Variants in TXLNB observed in about 807,000 individuals in gnomAD.
TXLNB encodes the protein beta-taxilin.
Under a neutral mutation model 57.4 loss-of-function variants are expected in TXLNB, and 37 were observed. That is an observed-to-expected ratio of 0.64 (90% CI 0.50 to 0.85). TXLNB has a LOEUF of 0.85. Ranked by LOEUF, TXLNB falls within the 40% of genes least tolerant of loss-of-function variation. TXLNB has a pLI of 0.00. For missense variants in TXLNB, 848 were observed against 825.6 expected (o/e 1.03, Z -0.33); for synonymous variants, 302 against 309.6 (o/e 0.98, Z 0.26).
chr6:139,274,903 C>T lies in TXLNB; in HGVS notation c.516+1927G>A, dbSNP rs144507603. ...AGAGCAAGGATGGATAGGTGAGAATCGCATGGAAACGTGAGAGTGGGGGCC... is the reference window on the plus strand; with the variant it reads ...AGAGCAAGGATGGATAGGTGAGAATTGCATGGAAACGTGAGAGTGGGGGCC... On this transcript the variant is annotated intron_variant, in intron 3 of 9. Coordinates refer to ENST00000358430, the MANE Select transcript of TXLNB (RefSeq NM_153235.4). 3.9e-5 allele frequency among the ~76,000 whole-genome samples: 6 copies of T among 152,138 alleles called. No homozygotes were observed. The East Asian group carries it at 7.7e-4, about 20-fold the overall frequency.
intron 1 of TXLNB, among the ~76,000 whole-genome samples, chr6:139,290,206 C>T (rs1474036425): frequency 6.6e-6 from 1 of 152,004 alleles, no homozygotes; most frequent in Non-Finnish European, 1.5e-5. Flanking sequence ...ATGGTGAAAC[C>T]CTGTCTCTAC....
At chr6:139,246,509 G>T (rs1443212513) in intron 8 of TXLNB, among the ~76,000 whole-genome samples, 4 of 152,078 alleles carry the variant, frequency 2.6e-5, no homozygotes, top group African/African-American at 9.7e-5. Context: ...TATAATACTG[G>T]CACCTTATAT....
chr6:139,273,546 G>A (rs529499664), intron 3 of TXLNB, among the ~76,000 whole-genome samples: 1 of 152,278 alleles, frequency 6.6e-6, no homozygotes, highest in East Asian at 1.9e-4. Flanking sequence ...GTTCACTGAA[G>A]CCTCAAACGC....
downstream of TXLNB, among the ~76,000 whole-genome samples, chr6:139,236,373 G>A (rs546816652): frequency 6.8e-4 from 103 of 152,234 alleles, no homozygotes; most frequent in African/African-American, 2.4e-3. Flanking sequence ...TCCCCTAAGG[G>A]TATGAGCAGT....
At chr6:139,160,092 A>T in the TXLNB span, among the ~76,000 whole-genome samples, 1 of 152,162 alleles carries the variant, frequency 6.6e-6, no homozygotes, top group Non-Finnish European at 1.5e-5. Context: ...GGCCCAGGTG[A>T]CTGCAGCCTA....
chr6:139,322,904 G>C, the TXLNB span, among the ~76,000 whole-genome samples: 1 of 152,146 alleles, frequency 6.6e-6, no homozygotes, highest in Non-Finnish European at 1.5e-5. Flanking sequence ...GGTTTTCCCT[G>C]CTGTTGAATC....
chr6:139,171,993 C>A, the TXLNB span, among the ~76,000 whole-genome samples: 1 of 152,034 alleles, frequency 6.6e-6, no homozygotes, highest in African/African-American at 2.4e-5. Flanking sequence ...CCACGCCTAG[C>A]TAATTTTTTT....
At chr6:139,266,979 A>AC (rs1285464816) in intron 4 of TXLNB, among the ~76,000 whole-genome samples, 1 of 151,582 alleles carries the variant, frequency 6.6e-6, no homozygotes, top group Non-Finnish European at 1.5e-5. Context: ...AAAAAAAAAA[A>AC]AACCCACGAA....
chr6:139,188,264 A>G, the TXLNB span, among the ~76,000 whole-genome samples: 1 of 152,198 alleles, frequency 6.6e-6, no homozygotes, highest in African/African-American at 2.4e-5. Context: ...ACCAGGCCTC[A>G]GTGAGGCAGT....
At chr6:139,276,790 A>C (rs750400429) in intron 3 of TXLNB, 40 bp downstream of exon 3, 1 of 1,517,190 alleles carries the variant, frequency 6.6e-7, no homozygotes, top group Admixed American at 1.8e-5. Context: ...CACTGGGCTC[A>C]CTAATCGTTC....
the TXLNB span, among the ~76,000 whole-genome samples, chr6:139,317,600 C>T: frequency 1.2e-4 from 18 of 152,164 alleles, no homozygotes; most frequent in East Asian, 3.3e-3. Context: ...AGGGTTTCAC[C>T]GTGTTAGCCA....
intron 3 of TXLNB, among the ~76,000 whole-genome samples, chr6:139,273,224 C>A (rs2114577234): frequency 6.6e-6 from 1 of 152,256 alleles, no homozygotes; most frequent in South Asian, 2.1e-4. Context: ...TGCTCAACAC[C>A]ATCCCTAGCC....
chr6:139,178,471 C>T, the TXLNB span: 4 of 147,358 alleles, frequency 2.7e-5, no homozygotes, highest in Admixed American at 1.3e-4. Flanking sequence ...TTGATGTGAA[C>T]ATTTTATGTT....
the TXLNB span, among the ~76,000 whole-genome samples, chr6:139,211,672 A>G: frequency 6.6e-6 from 1 of 152,168 alleles, no homozygotes; most frequent in African/African-American, 2.4e-5. Context: ...TCAGAAGATC[A>G]AACCACTCCA....
In TXLNB at chr6:139,270,627, C is replaced by T. The variant is rs1776737662; in HGVS notation, c.517-1G>A. On this transcript the variant is annotated splice_acceptor_variant, in intron 3 of 9. Coordinates refer to ENST00000358430, the MANE Select transcript of TXLNB (RefSeq NM_153235.4). LOFTEE classifies it high-confidence loss of function. Reference sequence around the variant, plus strand: ...TTTGCTCAGTACGATGTTCATCCAGCTGTACACATGGAGATACAAACATGA... The same window carrying T: ...TTTGCTCAGTACGATGTTCATCCAGTTGTACACATGGAGATACAAACATGA... 3.1e-6 allele frequency: 5 copies of T among 1,613,756 alleles called. No homozygotes were observed. Among genetic ancestry groups the T allele is most frequent in the Non-Finnish European group, 4.2e-6 (5 of 1,179,812 alleles).
At chr6:139,217,875 AAAAAAAAAAAAAG>A in the TXLNB span, among the ~76,000 whole-genome samples, 3 of 151,710 alleles carry the variant, frequency 2.0e-5, no homozygotes, top group African/African-American at 7.3e-5. Flanking sequence ...AAAAAAAAAA[AAAAAAAAAAAAAG>A]AAAAAGAAAT....
At position 139,260,416 on chromosome 6, in the gene TXLNB, G is replaced by A. The variant is rs775559438; in HGVS notation, c.904C>T (p.His302Tyr). The change falls in exon 6 of 10, where the codon CAC (histidine) becomes TAC (tyrosine). Residue 302 changes from histidine (H) to tyrosine (Y), a missense_variant. Coordinates refer to ENST00000358430, the MANE Select transcript of TXLNB (RefSeq NM_153235.4). ...ACCAGCTTCTGCTGCAGTTCTCTGTGTTTAAATATTTTGTCCAGATGCTAA... is the reference window on the plus strand; with the variant it reads ...ACCAGCTTCTGCTGCAGTTCTCTGTATTTAAATATTTTGTCCAGATGCTAA... Reference protein sequence around the residue: ...REEHLDKIFKHRELQQKLVDA... With the variant: ...REEHLDKIFKYRELQQKLVDA... 1.2e-6 allele frequency: 2 copies of A among 1,613,970 alleles called. No individual in the cohort carries two copies. Among genetic ancestry groups the A allele is most frequent in the East Asian group, 2.2e-5 (1 of 44,878 alleles).
At chr6:139,193,260 T>TTTTTTTTTTA in the TXLNB span, among the ~76,000 whole-genome samples, 3 of 148,490 alleles carry the variant, frequency 2.0e-5, no homozygotes, top group Non-Finnish European at 3.0e-5. Flanking sequence ...TTTTTTTTTT[T>TTTTTTTTTTA]ATCATTGTCT....
intron 1 of TXLNB, among the ~76,000 whole-genome samples, chr6:139,290,157 C>A (rs759086696): frequency 3.3e-5 from 5 of 152,100 alleles, no homozygotes; most frequent in Admixed American, 6.5e-5. Context: ...GAAGCCGAGG[C>A]GGGTGGATCC....
Sources: allele counts gnomAD v4.1 joint callset (sites outside exome capture counted in the v4.1 genomes callset), GRCh38; gene constraint gnomAD v4.1.1; transcripts MANE v1.5; gene names NCBI Gene and HGNC (gene_info 2026-07-23, HGNC 2026-07-21).